Variants in WWP2 observed in about 807,000 individuals in gnomAD.
The protein encoded by WWP2 is NEDD4-like E3 ubiquitin-protein ligase WWP2.
WWP2 carries 57 observed loss-of-function variants against 121.0 expected under a neutral mutation model. That is an observed-to-expected ratio of 0.47 (90% CI 0.38 to 0.59). The LOEUF is 0.59. Ranked by LOEUF, WWP2 falls within the 20% of genes least tolerant of loss-of-function variation. The pLI is 0.00. For synonymous variants in WWP2, 449 were observed against 441.3 expected, an observed-to-expected ratio of 1.02 and a Z score of -0.22; for missense variants, 962 against 1,158.9, an observed-to-expected ratio of 0.83 and a Z score of 2.47.
chr16:69,778,938 G>T (rs1209305735), intron 1 of WWP2, among the ~76,000 whole-genome samples: 1 of 47,780 alleles, frequency 2.1e-5, no homozygotes, highest in Non-Finnish European at 4.1e-5. Context: ...GTCACACCTG[G>T]CCGGTTATTT....
chr16:69,865,211 A>G (rs1315507141), intron 6 of WWP2, among the ~76,000 whole-genome samples: 2 of 151,424 alleles, frequency 1.3e-5, no homozygotes, highest in Non-Finnish European at 2.9e-5. Flanking sequence ...CACCATAACT[A>G]GCAAATTTTT....
At chr16:69,897,105 T>G (rs547696204) in intron 8 of WWP2, among the ~76,000 whole-genome samples, 1 of 151,794 alleles carries the variant, frequency 6.6e-6, no homozygotes, top group Admixed American at 6.6e-5. Context: ...TTTTTTTTTT[T>G]GTTTGTGTGT....
chr16:69,835,534 C>G (rs1360287730), intron 4 of WWP2, among the ~76,000 whole-genome samples: 1 of 152,160 alleles, frequency 6.6e-6, no homozygotes, highest in Non-Finnish European at 1.5e-5. Context: ...AAGAGTGATA[C>G]AGTGAACACC....
At chr16:69,849,542 C>CA (rs745593689) in intron 6 of WWP2, among the ~76,000 whole-genome samples, 1 of 151,476 alleles carries the variant, frequency 6.6e-6, no homozygotes, top group Non-Finnish European at 1.5e-5. Flanking sequence ...AGTCCCTGCT[C>CA]AAAGTCCCTG....
chr16:69,840,904 G>T (rs542902065), intron 5 of WWP2, among the ~76,000 whole-genome samples: 1 of 152,292 alleles, frequency 6.6e-6, no homozygotes, highest in South Asian at 2.1e-4. Flanking sequence ...CACCAAGCAG[G>T]ATTTCTGTAG....
intron 10 of WWP2, among the ~76,000 whole-genome samples, chr16:69,923,935 T>C (rs956703386): frequency 1.3e-5 from 2 of 150,538 alleles, no homozygotes; most frequent in African/African-American, 4.9e-5. Context: ...CACGCCCCCA[T>C]GACTTGGAAT....
intron 6 of WWP2, among the ~76,000 whole-genome samples, chr16:69,853,746 C>G (rs112018689): frequency 3.3e-5 from 5 of 152,124 alleles, no homozygotes; most frequent in African/African-American, 1.2e-4. Context: ...TGTAATTAAG[C>G]AGGACTGCAT....
At chr16:69,837,009 G>A (rs1318548571) in intron 4 of WWP2, among the ~76,000 whole-genome samples, 1 of 152,060 alleles carries the variant, frequency 6.6e-6, no homozygotes, top group Non-Finnish European at 1.5e-5. Context: ...CTGCAGCCTC[G>A]ACCTCCCGGG....
At chr16:69,916,338 G>A (rs1371550837) in intron 9 of WWP2, among the ~76,000 whole-genome samples, 2 of 152,106 alleles carry the variant, frequency 1.3e-5, no homozygotes, top group African/African-American at 4.8e-5. Context: ...GGGACCAAGG[G>A]CGCACACTCC....
At chr16:69,900,626 G>A (rs1045038891) in intron 8 of WWP2, among the ~76,000 whole-genome samples, 2 of 151,968 alleles carry the variant, frequency 1.3e-5, no homozygotes, top group African/African-American at 4.8e-5. Context: ...GGACTCAAGC[G>A]ATTCTCCTGC....
At chr16:69,913,013 TTTTTTTTTTTTTTTTTTTTTTTTTTTTG>T in intron 9 of WWP2, among the ~76,000 whole-genome samples, 3 of 10,582 alleles carry the variant, frequency 2.8e-4, no homozygotes, top group African/African-American at 2.7e-3. Flanking sequence ...TTTTTTTTTT[TTTTTTTTTTTTTTTTTTTTTTTTTTTTG>T]AGACAGAATT....
chr16:69,938,127 G>A (rs977287392), intron 21 of WWP2, among the ~76,000 whole-genome samples: 2 of 152,028 alleles, frequency 1.3e-5, no homozygotes, highest in African/African-American at 2.4e-5. Flanking sequence ...GCATATGTAC[G>A]TATACAAATT....
At chr16:69,812,547 C>T (rs530617503) in intron 4 of WWP2, among the ~76,000 whole-genome samples, 23 of 146,586 alleles carry the variant, frequency 1.6e-4, no homozygotes, top group Admixed American at 4.2e-4. Flanking sequence ...GGTGTGAACA[C>T]GGCTCACTGC....
chr16:69,910,381 C>T (rs1222528934), intron 9 of WWP2: 2 of 981,682 alleles, frequency 2.0e-6, no homozygotes, highest in African/African-American at 1.8e-5. Flanking sequence ...ATAACATGTG[C>T]ACTTTAAAAC....
chr16:69,933,869 C>A, intron 16 of WWP2, 101 bp from the exon 17 acceptor site: 1 of 1,384,936 alleles, frequency 7.2e-7, no homozygotes, highest in Non-Finnish European at 1.0e-6. Context: ...GACACGTGTC[C>A]CCATACTAAC....
intron 2 of WWP2, among the ~76,000 whole-genome samples, chr16:69,791,107 G>C (rs899928322): frequency 6.6e-6 from 1 of 152,152 alleles, no homozygotes; most frequent in African/African-American, 2.4e-5. Flanking sequence ...TATTACCTTA[G>C]CTAATAATTA....
chr16:69,806,565 C>CTT (rs1008366205), intron 4 of WWP2, among the ~76,000 whole-genome samples: 1 of 151,202 alleles, frequency 6.6e-6, no homozygotes, highest in African/African-American at 2.4e-5. Context: ...TCTTTGATGA[C>CTT]TTTTTTTTTC....
chr16:69,908,586 C>G lies in WWP2; in HGVS notation c.915-175C>G, dbSNP rs375465226. The stretch of plus-strand genomic sequence containing the variant: ...TATTATAGTTTCTTCAAGAAGCACT[C>G]CTGGCTGGCACCCTCAGCCACAGCA... On this transcript the variant is annotated intron_variant, in intron 8 of 23. Transcript: ENST00000359154. Among the ~76,000 whole-genome samples, 10 of 152,222 alleles carry G rather than the reference C, an allele frequency of 6.6e-5. 1 individual carries two copies. In the East Asian group the frequency reaches 1.9e-3, roughly 29 times the overall value.
At chr16:69,900,787 G>A (rs528370250) in intron 8 of WWP2, among the ~76,000 whole-genome samples, 1 of 152,270 alleles carries the variant, frequency 6.6e-6, no homozygotes, top group Admixed American at 6.5e-5. Context: ...GCCTCCCAAA[G>A]TGCTGGAATT....
Sources: gnomAD v4.1 joint callset for allele counts (sites outside exome capture counted in the v4.1 genomes callset) on GRCh38, gnomAD v4.1.1 for gene constraint, MANE v1.5 for transcripts, NCBI Gene and HGNC (gene_info 2026-07-23, HGNC 2026-07-21) for gene names.